ORC3: variants seen among roughly 807,000 people sequenced by gnomAD.
ORC3 encodes homolog of latheo, Drosophila.
A neutral mutation model predicts 100.7 loss-of-function variants in ORC3; 78 were observed. The ratio of observed to expected loss-of-function variants is 0.77; its 90% CI spans 0.65 to 0.94. ORC3 has a LOEUF of 0.94. Among genes scored for constraint, ORC3 ranks in the 40% least tolerant of loss-of-function variants. The pLI is 0.00. For synonymous variants in ORC3, 295 were observed against 289.3 expected, an observed-to-expected ratio of 1.02 and a Z score of -0.20; for missense variants, 789 against 823.9, an observed-to-expected ratio of 0.96 and a Z score of 0.52.
At chr6:87,666,435 CTTTT>C (rs398002192) in intron 19 of ORC3, among the ~76,000 whole-genome samples, 1 of 97,656 alleles carries the variant, frequency 1.0e-5, no homozygotes, top group Non-Finnish European at 2.1e-5. Context: ...CGGCCTAATT[CTTTT>C]TTTTTTTTTT....
chr6:87,675,517 C>T, the ORC3 span: 1 of 1,555,248 alleles, frequency 6.4e-7, no homozygotes. Flanking sequence ...GGGGTATTGG[C>T]ATTGCTGCAT....
At chr6:87,643,972 CTG>C (rs1462191478) in intron 13 of ORC3, among the ~76,000 whole-genome samples, 1 of 150,344 alleles carries the variant, frequency 6.7e-6, no homozygotes, top group Non-Finnish European at 1.5e-5. Context: ...AGAAAAAAGT[CTG>C]TACGTGTTCT....
At chr6:87,590,522 G>A (rs1776735063) in intron 1 of ORC3, among the ~76,000 whole-genome samples, 1 of 152,174 alleles carries the variant, frequency 6.6e-6, no homozygotes, top group Non-Finnish European at 1.5e-5. Flanking sequence ...AGATGCAGTG[G>A]TAAACAAAAC....
intron 14 of ORC3, among the ~76,000 whole-genome samples, chr6:87,655,752 A>G (rs542648070): frequency 6.6e-5 from 10 of 151,688 alleles, no homozygotes; most frequent in Non-Finnish European, 1.3e-4. Context: ...TCCTCACACC[A>G]TGGCCTCCCA....
intron 17 of ORC3, 66 bp downstream of exon 17, chr6:87,663,210 T>A: frequency 8.0e-7 from 1 of 1,252,982 alleles, no homozygotes; most frequent in South Asian, 1.5e-5. Flanking sequence ...CATAAAAATA[T>A]ACTAAATTTG....
chr6:87,654,583 A>G (rs1030229711), intron 14 of ORC3, among the ~76,000 whole-genome samples: 2 of 152,224 alleles, frequency 1.3e-5, no homozygotes, highest in African/African-American at 4.8e-5. Context: ...CATCTCTCTT[A>G]ACCACTAGTT....
chr6:87,634,998 G>A (rs779060608), intron 12 of ORC3, 37 bp downstream of exon 12: 16 of 1,029,058 alleles, frequency 1.6e-5, no homozygotes, highest in African/African-American at 1.6e-5. Context: ...CCATGAAGTA[G>A]GAATGTTAGT....
chr6:87,635,914 A>G lies in ORC3; in HGVS notation c.1303-493A>G, dbSNP rs541450312. 2.7e-3 allele frequency among the ~76,000 whole-genome samples: 411 copies of G among 151,254 alleles called. 3 individuals are homozygous for G. Among genetic ancestry groups the G allele is most frequent in the African/African-American group, 9.5e-3 (390 of 41,208 alleles). ...ATGACCACTGATATCAACCAATCTC[A>G]GTATAGCCTCATTTTACTTTTATAT... On this transcript the variant is annotated intron_variant, in intron 12 of 19. Coordinates refer to ENST00000392844, the MANE Select transcript of ORC3 (RefSeq NM_012381.4).
At chr6:87,618,570 G>A (rs1276079379) in intron 9 of ORC3, among the ~76,000 whole-genome samples, 1 of 152,204 alleles carries the variant, frequency 6.6e-6, no homozygotes, top group Non-Finnish European at 1.5e-5. Context: ...AGAAATAGGA[G>A]CGAGCCAGGT....
downstream of ORC3, among the ~76,000 whole-genome samples, chr6:87,671,347 A>T (rs142235853): frequency 2.6e-5 from 4 of 152,264 alleles, no homozygotes; most frequent in African/African-American, 9.6e-5. Context: ...GAAGGATGTG[A>T]GGAGTGCAAG....
intron 11 of ORC3, among the ~76,000 whole-genome samples, chr6:87,633,911 A>C (rs1225899538): frequency 6.6e-6 from 1 of 152,156 alleles, no homozygotes; most frequent in African/African-American, 2.4e-5. Context: ...CCCTCAACAA[A>C]ACCTTTTGAA....
chr6:87,629,020 T>C (rs1583082242), intron 11 of ORC3, among the ~76,000 whole-genome samples: 1 of 152,146 alleles, frequency 6.6e-6, no homozygotes, highest in East Asian at 1.9e-4. Context: ...GGTAGGAATA[T>C]GGAGAACAAA....
chr6:87,656,586 G>GA (rs950042333), intron 14 of ORC3, among the ~76,000 whole-genome samples: 52 of 149,024 alleles, frequency 3.5e-4, no homozygotes, highest in East Asian at 2.4e-3. Context: ...GACTCCATCT[G>GA]AAAAAAAAAA....
Position 87,664,817 on chromosome 6 carries a change from C to G in ORC3, c.1908C>G (p.His636Gln), listed in dbSNP as rs752093687. Residue 636 changes from histidine to glutamine, a missense_variant, in exon 18 of 20, where the codon CAC (histidine) becomes CAG (glutamine). Around this residue, in one of 3 missense-constraint regions of ORC3, gnomAD observed 366 missense variants for 394.2 expected, o/e 0.93. Coordinates refer to ENST00000392844, the MANE Select transcript of ORC3 (RefSeq NM_012381.4). ...APDICIAYKL[H>Q]LECSRLINLV... is the part of the protein sequence containing the mutation. ...ACATCTGCATAGCATACAAACTGCACCTAGAGTGTAGCAGGCTCATCAACC... is the reference window on the plus strand; with the variant it reads ...ACATCTGCATAGCATACAAACTGCAGCTAGAGTGTAGCAGGCTCATCAACC... 11 of 1,613,958 alleles carry G rather than the reference C, an allele frequency of 6.8e-6. No individual in the cohort carries two copies. Among genetic ancestry groups the G allele is most frequent in the Non-Finnish European group, 9.3e-6 (11 of 1,179,890 alleles).
intron 16 of ORC3, among the ~76,000 whole-genome samples, chr6:87,661,937 C>G (rs569276336): frequency 6.6e-6 from 1 of 152,096 alleles, no homozygotes; most frequent in African/African-American, 2.4e-5. Flanking sequence ...ACATGCAAAG[C>G]AAATTTTTAA....
chr6:87,651,516 G>T, intron 13 of ORC3: 1 of 274,540 alleles, frequency 3.6e-6, no homozygotes, highest in Non-Finnish European at 7.5e-6. Flanking sequence ...GAAATGTCTT[G>T]GCTTATTTTT....
chr6:87,635,387 C>T (rs1400859540), intron 12 of ORC3, among the ~76,000 whole-genome samples: 1 of 152,170 alleles, frequency 6.6e-6, no homozygotes, highest in Non-Finnish European at 1.5e-5. Flanking sequence ...GCTCAGCTGG[C>T]CTTTATGTTA....
At chr6:87,603,141 A>G (rs575759002) in intron 3 of ORC3, among the ~76,000 whole-genome samples, 358 of 151,244 alleles carry the variant, frequency 2.4e-3, no homozygotes, top group Non-Finnish European at 3.6e-3. Flanking sequence ...CACTACACCC[A>G]GCTAATTTGT....
chr6:87,597,936 T>G (rs1418332747), intron 2 of ORC3, among the ~76,000 whole-genome samples: 2 of 152,152 alleles, frequency 1.3e-5, no homozygotes, highest in African/African-American at 2.4e-5. Flanking sequence ...CCATTATCAT[T>G]AGGGACACAT....
Sources: allele counts gnomAD v4.1 joint callset (sites outside exome capture counted in the v4.1 genomes callset), GRCh38; gene constraint gnomAD v4.1.1; regional missense constraint gnomAD v4.1.1; transcripts MANE v1.5; gene names NCBI Gene and HGNC (gene_info 2026-07-23, HGNC 2026-07-21).